The following EXT1 variants were observed in gnomAD, a reference collection of about 807,000 sequenced individuals.
The protein encoded by EXT1 is exostosin glycosyltransferase 1.
Under a neutral mutation model 82.5 loss-of-function variants are expected in EXT1, and 20 were observed. The ratio of observed to expected loss-of-function variants is 0.24; its 90% CI spans 0.17 to 0.35. EXT1 has a LOEUF of 0.35. Ranked by LOEUF, EXT1 falls within the 10% of genes least tolerant of loss-of-function variation. The pLI, the probability that EXT1 is intolerant of heterozygous loss-of-function variation, is 1.00. For missense variants in EXT1, 757 were observed against 936.5 expected (o/e 0.81, Z 2.50); for synonymous variants, 348 against 350.8 (o/e 0.99, Z 0.09).
chr8:117,903,000 G>A (rs1323937970), intron 1 of EXT1, among the ~76,000 whole-genome samples: 1 of 152,154 alleles, frequency 6.6e-6, no homozygotes, highest in Non-Finnish European at 1.5e-5. Context: ...ATGATTCTGA[G>A]AATTCTGCGT....
chr8:117,934,784 G>A (rs923162161), intron 1 of EXT1, among the ~76,000 whole-genome samples: 4 of 152,156 alleles, frequency 2.6e-5, no homozygotes, highest in African/African-American at 4.8e-5. Flanking sequence ...CAATGTGCAC[G>A]CTTCTTTTAT....
intron 1 of EXT1, among the ~76,000 whole-genome samples, chr8:118,041,514 G>A (rs1816525976): frequency 1.3e-5 from 2 of 152,114 alleles, no homozygotes; most frequent in South Asian, 4.1e-4. Context: ...TCTATACCGA[G>A]TATTACAGGT....
At chr8:118,029,186 T>C (rs1180227593) in intron 1 of EXT1, among the ~76,000 whole-genome samples, 1 of 152,152 alleles carries the variant, frequency 6.6e-6, no homozygotes, top group Non-Finnish European at 1.5e-5. Context: ...CCCAGCACTT[T>C]GGGAGGCCGT....
intron 1 of EXT1, among the ~76,000 whole-genome samples, chr8:118,089,481 C>T (rs924845801): frequency 7.9e-5 from 12 of 152,058 alleles, no homozygotes; most frequent in Non-Finnish European, 1.8e-4. Context: ...TATATCTATG[C>T]CATGATCCTG....
At chr8:117,908,818 A>T (rs1411091957) in intron 1 of EXT1, among the ~76,000 whole-genome samples, 1 of 151,998 alleles carries the variant, frequency 6.6e-6, no homozygotes, top group Non-Finnish European at 1.5e-5. Flanking sequence ...AGTGGAACAA[A>T]CTTGAGGCTT....
At chr8:118,067,519 G>A (rs1258147915) in intron 1 of EXT1, among the ~76,000 whole-genome samples, 2 of 152,202 alleles carry the variant, frequency 1.3e-5, no homozygotes, top group Non-Finnish European at 2.9e-5. Context: ...GATGGACATA[G>A]TACATAACAG....
intron 1 of EXT1, among the ~76,000 whole-genome samples, chr8:118,015,377 C>G (rs1324248997): frequency 1.3e-5 from 2 of 152,144 alleles, no homozygotes; most frequent in African/African-American, 4.8e-5. Flanking sequence ...ACATGAAGAC[C>G]ATGACTCGGT....
At chr8:117,983,246 G>A (rs1249814433) in intron 1 of EXT1, among the ~76,000 whole-genome samples, 2 of 152,202 alleles carry the variant, frequency 1.3e-5, no homozygotes, top group Non-Finnish European at 2.9e-5. Flanking sequence ...CACTTTAGGA[G>A]GCTGAGGTGG....
At position 118,065,041 on chromosome 8, in the gene EXT1, T is replaced by C. The variant is rs541801734; in HGVS notation, c.962+45044A>G. On this transcript the variant is annotated intron_variant, in intron 1 of 10. Transcript: ENST00000378204. Reference sequence around the variant, plus strand: ...CTAATTTTTGTATTTTTAGTAGAGATGGGGTTTCACTATGTTGGCCAGGCT... The same window carrying C: ...CTAATTTTTGTATTTTTAGTAGAGACGGGGTTTCACTATGTTGGCCAGGCT... Among the ~76,000 whole-genome samples the C allele has an allele frequency of 2.6e-5, 4 of 152,000 alleles. No individual in the cohort carries two copies. The East Asian group carries it at 5.8e-4, about 22-fold the overall frequency.
At chr8:118,092,251 A>T (rs1206595085) in intron 1 of EXT1, among the ~76,000 whole-genome samples, 2 of 152,180 alleles carry the variant, frequency 1.3e-5, no homozygotes, top group African/African-American at 2.4e-5. Flanking sequence ...TGAAAAGGAG[A>T]TATAGAAAAC....
chr8:117,833,100 C>A (rs1812128704), intron 3 of EXT1, among the ~76,000 whole-genome samples: 1 of 152,118 alleles, frequency 6.6e-6, no homozygotes, highest in Admixed American at 6.5e-5. Context: ...TTTCCCAGAG[C>A]AGACATTTGG....
At chr8:117,985,205 T>G (rs1464171786) in intron 1 of EXT1, among the ~76,000 whole-genome samples, 1 of 152,152 alleles carries the variant, frequency 6.6e-6, no homozygotes, top group Non-Finnish European at 1.5e-5. Flanking sequence ...CTGAATAAAT[T>G]TGGAACACTC....
intron 1 of EXT1, among the ~76,000 whole-genome samples, chr8:117,859,145 G>A (rs180694654): frequency 6.6e-6 from 1 of 152,224 alleles, no homozygotes; most frequent in African/African-American, 2.4e-5. Context: ...ACTTTTATAT[G>A]TACTGGAAAA....
chr8:117,832,532 A>G (rs1456194182), intron 3 of EXT1, among the ~76,000 whole-genome samples: 1 of 143,288 alleles, frequency 7.0e-6, no homozygotes, highest in African/African-American at 3.0e-5. Flanking sequence ...AAAAAAAAAA[A>G]GAAAAGAAAA....
chr8:117,981,122 T>C (rs1171647911), intron 1 of EXT1, among the ~76,000 whole-genome samples: 1 of 152,212 alleles, frequency 6.6e-6, no homozygotes, highest in Non-Finnish European at 1.5e-5. Flanking sequence ...ATTTAAATAC[T>C]GCCTCTGTAG....
At chr8:118,061,909 G>T (rs543847264) in intron 1 of EXT1, among the ~76,000 whole-genome samples, 2 of 152,306 alleles carry the variant, frequency 1.3e-5, no homozygotes, top group Non-Finnish European at 2.9e-5. Flanking sequence ...TACAGATTAA[G>T]AAGTGGAGCA....
At chr8:118,104,434 C>T (rs1021977259) in intron 1 of EXT1, among the ~76,000 whole-genome samples, 1 of 152,168 alleles carries the variant, frequency 6.6e-6, no homozygotes, top group African/African-American at 2.4e-5. Flanking sequence ...GACATGGCCA[C>T]TGCATACAAC....
At chr8:118,032,816 T>C (rs1816351326) in intron 1 of EXT1, among the ~76,000 whole-genome samples, 1 of 152,082 alleles carries the variant, frequency 6.6e-6, no homozygotes, top group Non-Finnish European at 1.5e-5. Context: ...GGCCAACAAT[T>C]TAAGTTTTAA....
intron 1 of EXT1, among the ~76,000 whole-genome samples, chr8:117,959,131 A>G (rs967728698): frequency 2.0e-5 from 3 of 152,254 alleles, no homozygotes; most frequent in Non-Finnish European, 2.9e-5. Context: ...CAGGTTGTGC[A>G]CAAAGTGAAG....
Sources: gnomAD v4.1 joint callset for allele counts (sites outside exome capture counted in the v4.1 genomes callset) on GRCh38, gnomAD v4.1.1 for gene constraint, MANE v1.5 for transcripts, NCBI Gene and HGNC (gene_info 2026-07-23, HGNC 2026-07-21) for gene names.